The following CADM2 variants were observed in gnomAD, a reference collection of about 807,000 sequenced individuals.
CADM2 encodes the protein cell adhesion molecule 2.
In CADM2, 12 loss-of-function variants were observed where a neutral mutation model predicts 49.8. The ratio of observed to expected loss-of-function variants is 0.24; its 90% CI spans 0.15 to 0.39. The LOEUF is 0.39. CADM2 is among the 10% of genes least tolerant of loss of function. The pLI is 1.00. For missense variants in CADM2, 378 were observed against 492.3 expected (o/e 0.77, Z 2.20); for synonymous variants, 214 against 175.4 (o/e 1.22, Z -1.74).
At position 85,239,969 on chromosome 3, in the gene CADM2, A is replaced by C. The variant is rs2042492859; in HGVS notation, c.61+280301A>C. 2.0e-5 allele frequency among the ~76,000 whole-genome samples: 3 copies of C among 151,604 alleles called. No homozygotes were observed. In the South Asian group the frequency reaches 6.2e-4, roughly 31 times the overall value. On this transcript the variant is annotated intron_variant, in intron 1 of 9. Coordinates refer to ENST00000383699, the MANE Select transcript of CADM2 (RefSeq NM_001167675.2). ...ATTAATAAGTTATAATATTTAAAGA[A>C]TATATTCCAGGGAAAGTATCTTTAT...
chr3:85,844,035 T>G (rs928756314), intron 3 of CADM2, among the ~76,000 whole-genome samples: 1 of 152,072 alleles, frequency 6.6e-6, no homozygotes, highest in Non-Finnish European at 1.5e-5. Context: ...CACTTCTTCA[T>G]AGCCGCATCT....
intron 1 of CADM2, among the ~76,000 whole-genome samples, chr3:85,113,439 T>G (rs900185453): frequency 6.6e-6 from 1 of 152,096 alleles, no homozygotes; most frequent in African/African-American, 2.4e-5. Context: ...TTAGTGGGTG[T>G]GTAGAGAGAG....
chr3:86,073,985 G>T lies in CADM2; in HGVS notation c.*7202G>T, dbSNP rs1461842942. On this transcript the variant is annotated 3_prime_UTR_variant, in exon 10 of 10. Coordinates refer to ENST00000383699, the MANE Select transcript of CADM2 (RefSeq NM_001167675.2). ...TGAACCTTGTAAAGTGATGACTAAGGGTCAAAAAAAATGTTGCTGACTTAG... is the reference window on the plus strand; with the variant it reads ...TGAACCTTGTAAAGTGATGACTAAGTGTCAAAAAAAATGTTGCTGACTTAG... The T allele has an allele frequency of 6.6e-6, 1 of 151,304 alleles. No individual in the cohort carries two copies. Among genetic ancestry groups the T allele is most frequent in the Non-Finnish European group, 1.5e-5 (1 of 67,728 alleles). The allele number at this position is 151,304 out of a possible 1,614,324, so 9.4% of individuals were successfully genotyped here. A position where few individuals can be genotyped will look rare whatever the true frequency, so the allele number is the denominator to read the frequency against.
At chr3:85,735,117 T>C (rs2068083269) in intron 2 of CADM2, among the ~76,000 whole-genome samples, 1 of 151,916 alleles carries the variant, frequency 6.6e-6, no homozygotes, top group Non-Finnish European at 1.5e-5. Context: ...TACATCAGTT[T>C]AAGAAAAAAA....
chr3:85,164,261 T>TA (rs2040410286), intron 1 of CADM2, among the ~76,000 whole-genome samples: 1 of 152,078 alleles, frequency 6.6e-6, no homozygotes, highest in South Asian at 2.1e-4. Flanking sequence ...AACTCACAGA[T>TA]ACTGGCAAGT....
chr3:85,101,771 T>C (rs1000757092), intron 1 of CADM2, among the ~76,000 whole-genome samples: 1 of 152,208 alleles, frequency 6.6e-6, no homozygotes, highest in Non-Finnish European at 1.5e-5. Context: ...TTTACTTTAA[T>C]TGGAAAATTT....
At chr3:85,992,034 A>C (rs1728832265) in intron 8 of CADM2, 1 of 151,894 alleles carries the variant, frequency 6.6e-6, no homozygotes, top group African/African-American at 2.4e-5. Flanking sequence ...CACATTAGTT[A>C]AATTCCAAAA....
intron 1 of CADM2, among the ~76,000 whole-genome samples, chr3:85,441,666 A>G (rs1254282271): frequency 1.3e-5 from 2 of 152,098 alleles, no homozygotes; most frequent in African/African-American, 4.8e-5. Context: ...AAACAACCAC[A>G]TACCTCAAAC....
At chr3:85,281,320 T>G (rs1297486607) in intron 1 of CADM2, among the ~76,000 whole-genome samples, 1 of 151,996 alleles carries the variant, frequency 6.6e-6, no homozygotes, top group Non-Finnish European at 1.5e-5. Context: ...TGCAAAAATG[T>G]AAAAGATATC....
At chr3:85,434,241 A>T (rs2036822985) in intron 1 of CADM2, among the ~76,000 whole-genome samples, 1 of 151,932 alleles carries the variant, frequency 6.6e-6, no homozygotes, top group Non-Finnish European at 1.5e-5. Context: ...TTATCAGCTA[A>T]AATCAATGTG....
intron 8 of CADM2, 22 bp downstream of exon 8, chr3:85,961,669 T>C: frequency 1.3e-6 from 2 of 1,500,530 alleles, no homozygotes; most frequent in East Asian, 2.4e-5. Context: ...TTGGAAAACA[T>C]TATATGTGAA....
At chr3:85,520,034 T>C (rs918644374) in intron 1 of CADM2, among the ~76,000 whole-genome samples, 2 of 152,064 alleles carry the variant, frequency 1.3e-5, no homozygotes, top group Non-Finnish European at 2.9e-5. Flanking sequence ...CTACCAACAG[T>C]ACTATTGTCC....
chr3:85,590,200 G>T (rs1241649983), intron 1 of CADM2, among the ~76,000 whole-genome samples: 1 of 151,926 alleles, frequency 6.6e-6, no homozygotes, highest in Non-Finnish European at 1.5e-5. Flanking sequence ...CAGAAAAATA[G>T]AAAATCATCT....
intron 1 of CADM2, among the ~76,000 whole-genome samples, chr3:85,314,952 T>G (rs940175010): frequency 2.0e-5 from 3 of 152,222 alleles, no homozygotes; most frequent in African/African-American, 7.2e-5. Context: ...CCTAATTACC[T>G]TAAAACAATA....
intron 1 of CADM2, among the ~76,000 whole-genome samples, chr3:85,459,221 G>T (rs939039810): frequency 1.1e-4 from 17 of 152,132 alleles, no homozygotes; most frequent in African/African-American, 2.4e-4. Context: ...GGGCAAGATG[G>T]CTGCAGAAGC....
intron 1 of CADM2, among the ~76,000 whole-genome samples, chr3:85,133,938 C>A (rs901950978): frequency 2.0e-5 from 3 of 152,206 alleles, no homozygotes; most frequent in Non-Finnish European, 4.4e-5. Context: ...AGGCTCAGGC[C>A]GCACAGGAGC....
At chr3:85,485,147 G>A (rs2039367271) in intron 1 of CADM2, among the ~76,000 whole-genome samples, 1 of 151,620 alleles carries the variant, frequency 6.6e-6, no homozygotes, top group Non-Finnish European at 1.5e-5. Context: ...TATATTTAGT[G>A]AGACTCTGAA....
chr3:85,814,211 A>G (rs1355947853), intron 3 of CADM2, among the ~76,000 whole-genome samples: 1 of 151,988 alleles, frequency 6.6e-6, no homozygotes, highest in African/African-American at 2.4e-5. Context: ...GTCCTCTCTT[A>G]TTTCCTTGAG....
At chr3:85,551,787 A>C (rs1039812992) in intron 1 of CADM2, among the ~76,000 whole-genome samples, 1 of 152,074 alleles carries the variant, frequency 6.6e-6, no homozygotes, top group Admixed American at 6.6e-5. Flanking sequence ...AACATTTCCT[A>C]CTGGGTATAT....
Sources: gnomAD v4.1 joint callset for allele counts (sites outside exome capture counted in the v4.1 genomes callset) on GRCh38, gnomAD v4.1.1 for gene constraint, MANE v1.5 for transcripts, NCBI Gene and HGNC (gene_info 2026-07-23, HGNC 2026-07-21) for gene names.